LRMDA: variants seen among roughly 807,000 people sequenced by gnomAD.
The protein encoded by LRMDA is leucine rich melanocyte differentiation associated.
Under a neutral mutation model 29.8 loss-of-function variants are expected in LRMDA, and 18 were observed. The observed-to-expected ratio is 0.60, with a 90% confidence interval of 0.42 to 0.90. LRMDA has a LOEUF of 0.90. Ranked by LOEUF, LRMDA falls within the 40% of genes least tolerant of loss-of-function variation. The pLI, the probability that LRMDA is intolerant of heterozygous loss-of-function variation, is 0.00. For missense variants in LRMDA, 273 were observed against 273.9 expected (o/e 1.00, Z 0.02); for synonymous variants, 125 against 109.4 (o/e 1.14, Z -0.89).
chr10:76,086,106 A>AT (rs1199248670), intron 5 of LRMDA, among the ~76,000 whole-genome samples: 3 of 152,066 alleles, frequency 2.0e-5, no homozygotes, highest in South Asian at 4.1e-4. Flanking sequence ...ACATATTCTG[A>AT]TTTTTTTCTA....
intron 2 of LRMDA, among the ~76,000 whole-genome samples, chr10:75,607,840 T>G (rs1322681282): frequency 6.7e-6 from 1 of 149,488 alleles, no homozygotes; most frequent in African/African-American, 2.5e-5. Flanking sequence ...TTTTTTTTTT[T>G]TTTTTTTTTG....
chr10:76,047,071 AGCAGACTGGACTCATCAGC>A, intron 3 of LRMDA, 74 bp from the exon 4 acceptor site: 1 of 1,366,370 alleles, frequency 7.3e-7, no homozygotes, highest in Non-Finnish European at 1.0e-6. Flanking sequence ...GTCTCACAGG[AGCAGACTGGACTCATCAGC>A]GCCTGTCAGT....
intron 2 of LRMDA, among the ~76,000 whole-genome samples, chr10:75,560,381 T>C (rs993129724): frequency 2.0e-5 from 3 of 151,322 alleles, no homozygotes; most frequent in East Asian, 2.0e-4. Flanking sequence ...GCACATTGAT[T>C]TTGTATCCTG....
intron 2 of LRMDA, among the ~76,000 whole-genome samples, chr10:75,526,870 A>C (rs892671227): frequency 2.0e-5 from 3 of 152,126 alleles, no homozygotes; most frequent in South Asian, 2.1e-4. Context: ...AAAAAAAAAA[A>C]AACAAAACAT....
intron 2 of LRMDA, among the ~76,000 whole-genome samples, chr10:75,441,870 C>T (rs1341676658): frequency 6.6e-6 from 1 of 152,066 alleles, no homozygotes; most frequent in African/African-American, 2.4e-5. Context: ...AGATCAGCTG[C>T]AGTCCATTTG....
At chr10:75,837,665 G>A (rs556171422) in intron 2 of LRMDA, among the ~76,000 whole-genome samples, 52 of 152,116 alleles carry the variant, frequency 3.4e-4, no homozygotes, top group Non-Finnish European at 5.1e-4. Flanking sequence ...TGGATACCCC[G>A]TCTACCCTGA....
At chr10:75,653,767 T>G (rs1352697875) in intron 2 of LRMDA, among the ~76,000 whole-genome samples, 1 of 152,232 alleles carries the variant, frequency 6.6e-6, no homozygotes, top group Non-Finnish European at 1.5e-5. Flanking sequence ...GATCTTATAC[T>G]TGTGTGTGAA....
intron 5 of LRMDA, among the ~76,000 whole-genome samples, chr10:76,096,371 G>A (rs547417121): frequency 6.6e-6 from 1 of 151,716 alleles, no homozygotes; most frequent in Non-Finnish European, 1.5e-5. Context: ...TTCATTTGTT[G>A]AAAAGGCCTG....
At chr10:75,715,167 T>C (rs1245287902) in intron 2 of LRMDA, among the ~76,000 whole-genome samples, 1 of 152,144 alleles carries the variant, frequency 6.6e-6, no homozygotes, top group Non-Finnish European at 1.5e-5. Flanking sequence ...AGCGTACCAT[T>C]CCCCTTGTGT....
intron 5 of LRMDA, among the ~76,000 whole-genome samples, chr10:76,059,441 C>T (rs1371833045): frequency 2.0e-5 from 3 of 152,144 alleles, no homozygotes; most frequent in Admixed American, 1.3e-4. Flanking sequence ...TGGATTCAGA[C>T]ACAAGGAGAT....
intron 2 of LRMDA, among the ~76,000 whole-genome samples, chr10:75,858,609 A>G (rs1844868316): frequency 6.6e-6 from 1 of 152,040 alleles, no homozygotes; most frequent in Admixed American, 6.5e-5. Context: ...CTTGCTCTAC[A>G]TTGTTTTTAC....
At chr10:76,281,289 C>T (rs1368825840) in intron 5 of LRMDA, among the ~76,000 whole-genome samples, 1 of 152,180 alleles carries the variant, frequency 6.6e-6, no homozygotes, top group East Asian at 1.9e-4. Context: ...TACAGAAGTA[C>T]AAAAGCCAAG....
intron 2 of LRMDA, among the ~76,000 whole-genome samples, chr10:75,821,597 A>T (rs1440368051): frequency 1.3e-5 from 2 of 152,042 alleles, no homozygotes; most frequent in Non-Finnish European, 2.9e-5. Context: ...GTGAAACCCT[A>T]TCTGTACTAA....
chr10:75,728,486 T>C (rs982932749), intron 2 of LRMDA, among the ~76,000 whole-genome samples: 8 of 148,962 alleles, frequency 5.4e-5, no homozygotes, highest in African/African-American at 1.5e-4. Flanking sequence ...AAGGTGCATA[T>C]ACAGAGGTGG....
intron 2 of LRMDA, among the ~76,000 whole-genome samples, chr10:75,925,197 A>AT (rs200683972): frequency 0.012 from 1,825 of 151,620 alleles, 33 homozygotes; most frequent in African/African-American, 0.036. Context: ...CAATAATCTG[A>AT]TTTTTTTTTG....
At chr10:75,943,288 G>GA (rs1348971532) in intron 2 of LRMDA, among the ~76,000 whole-genome samples, 1 of 151,924 alleles carries the variant, frequency 6.6e-6, no homozygotes, top group African/African-American at 2.4e-5. Flanking sequence ...AATCTCCTAT[G>GA]ACACTCATGG....
chr10:75,562,402 T>C (rs1036678211), intron 2 of LRMDA, among the ~76,000 whole-genome samples: 8 of 152,064 alleles, frequency 5.3e-5, no homozygotes, highest in African/African-American at 1.7e-4. Flanking sequence ...TCCTCCATCC[T>C]TTTATTTTGA....
intron 2 of LRMDA, among the ~76,000 whole-genome samples, chr10:75,632,946 G>C (rs1027221192): frequency 6.6e-6 from 1 of 151,892 alleles, no homozygotes; most frequent in Non-Finnish European, 1.5e-5. Context: ...TCTGACAGTG[G>C]CTCCTCCCTG....
At chr10:75,997,435 G>C (rs1268278279) in intron 2 of LRMDA, among the ~76,000 whole-genome samples, 1 of 150,494 alleles carries the variant, frequency 6.6e-6, no homozygotes, top group Non-Finnish European at 1.5e-5. Flanking sequence ...ATTCTACTCG[G>C]TATCATGAAG....
Sources: allele counts gnomAD v4.1 joint callset (sites outside exome capture counted in the v4.1 genomes callset), GRCh38; gene constraint gnomAD v4.1.1; transcripts MANE v1.5; gene names NCBI Gene and HGNC (gene_info 2026-07-23, HGNC 2026-07-21).